Variants in USP34 observed in about 807,000 individuals in gnomAD.
The protein encoded by USP34 is ubiquitin carboxyl-terminal hydrolase 34.
In USP34, 70 loss-of-function variants were observed where a neutral mutation model predicts 460.3. That is an observed-to-expected ratio of 0.15 (90% CI 0.13 to 0.19). The LOEUF is 0.19. USP34 is among the 10% of genes least tolerant of loss of function. The pLI is 1.00. For synonymous variants in USP34, 1,647 were observed against 1,405.3 expected (o/e 1.17, Z -3.85); for missense variants, 3,985 against 4,236.2 (o/e 0.94, Z 1.65).
intron 70 of USP34, chr2:61,208,024 A>G (rs1687167891): frequency 6.6e-6 from 1 of 152,286 alleles, no homozygotes; most frequent in Non-Finnish European, 1.5e-5. Context: ...ATACTTGTGG[A>G]TGTTCAAGAA....
chr2:61,281,301 T>C (rs1572897431), intron 37 of USP34, 59 bp from the exon 38 acceptor site: 1 of 1,539,746 alleles, frequency 6.5e-7, no homozygotes, highest in Non-Finnish European at 8.8e-7. Context: ...GTTAATATGT[T>C]AGCAGAAATA....
chr2:61,283,965 A>G (rs1689613446), intron 35 of USP34, among the ~76,000 whole-genome samples: 1 of 152,132 alleles, frequency 6.6e-6, no homozygotes, highest in Non-Finnish European at 1.5e-5. Context: ...GGTATAAGTC[A>G]AAGGGTATGA....
At chr2:61,393,742 G>A (rs1693426388) in intron 5 of USP34, among the ~76,000 whole-genome samples, 1 of 152,120 alleles carries the variant, frequency 6.6e-6, no homozygotes. Flanking sequence ...AGATTTCAGT[G>A]TTTGGTAAAG....
chr2:61,329,421 T>C (rs1048826728), intron 20 of USP34, among the ~76,000 whole-genome samples: 1 of 152,284 alleles, frequency 6.6e-6, no homozygotes, highest in Admixed American at 6.5e-5. Flanking sequence ...AGAAGGATAC[T>C]GACTTGGAAT....
intron 16 of USP34, among the ~76,000 whole-genome samples, chr2:61,342,647 G>GT (rs1295059075): frequency 9.9e-5 from 15 of 151,840 alleles, no homozygotes; most frequent in African/African-American, 3.6e-4. Flanking sequence ...CTTTTATGTA[G>GT]TATCTGATCA....
chr2:61,378,936 A>AAAAAAAAC (rs1692886016), intron 7 of USP34, among the ~76,000 whole-genome samples: 2 of 147,250 alleles, frequency 1.4e-5, no homozygotes, highest in African/African-American at 5.0e-5. Context: ...AAAAAAAAAA[A>AAAAAAAAC]ACAACACTAA....
At chr2:61,464,237 T>C (rs1044122158) in intron 1 of USP34, among the ~76,000 whole-genome samples, 3 of 152,082 alleles carry the variant, frequency 2.0e-5, no homozygotes, top group Admixed American at 2.0e-4. Context: ...GAGAATCACT[T>C]GAAGCAAGGA....
intron 1 of USP34, among the ~76,000 whole-genome samples, chr2:61,425,986 G>A (rs915706458): frequency 6.6e-6 from 1 of 151,936 alleles, no homozygotes; most frequent in South Asian, 2.1e-4. Context: ...CCCCTGTTCA[G>A]GGCCCTAACT....
chr2:61,387,571 CAT>C (rs1052945480), intron 5 of USP34, among the ~76,000 whole-genome samples: 14 of 144,582 alleles, frequency 9.7e-5, no homozygotes, highest in African/African-American at 1.3e-4. Flanking sequence ...TATATACACA[CAT>C]ATATAAAATA....
chr2:61,446,570 C>T (rs1218945044), intron 1 of USP34, among the ~76,000 whole-genome samples: 2 of 152,004 alleles, frequency 1.3e-5, no homozygotes, highest in Admixed American at 6.6e-5. Context: ...CCAAGGCGGG[C>T]AGATCACTTA....
chr2:61,357,418 T>C (rs1027313334), intron 10 of USP34, among the ~76,000 whole-genome samples: 4 of 151,744 alleles, frequency 2.6e-5, no homozygotes, highest in Admixed American at 2.0e-4. Context: ...GAAAGAACAA[T>C]GTTCAGAGGA....
chr2:61,254,736 G>A (rs1386191965), intron 48 of USP34, among the ~76,000 whole-genome samples: 2 of 152,170 alleles, frequency 1.3e-5, no homozygotes, highest in African/African-American at 4.8e-5. Context: ...TGGGCGGATT[G>A]TTTGAGCCCA....
intron 70 of USP34, chr2:61,207,339 T>A (rs1468047940): frequency 6.5e-6 from 1 of 154,280 alleles, no homozygotes; most frequent in Non-Finnish European, 1.4e-5. Context: ...AGGAATTCAT[T>A]TCCTTTATAT....
At chr2:61,249,237 A>G (rs1246429257) in intron 48 of USP34, among the ~76,000 whole-genome samples, 1 of 152,238 alleles carries the variant, frequency 6.6e-6, no homozygotes, top group Non-Finnish European at 1.5e-5. Flanking sequence ...GTTAATGAAC[A>G]CTACTCTTGC....
At chr2:61,301,331 C>G (rs974373922) in intron 28 of USP34, 23 bp downstream of exon 28, 1 of 1,606,938 alleles carries the variant, frequency 6.2e-7, no homozygotes. Context: ...CATTAAAACT[C>G]AAACCACGTT....
chr2:61,239,373 G>GTAAA (rs1235616276), intron 53 of USP34, among the ~76,000 whole-genome samples: 1 of 143,522 alleles, frequency 7.0e-6, no homozygotes, highest in East Asian at 2.1e-4. Context: ...AACCACTGAT[G>GTAAA]TAAATAAACA....
intron 78 of USP34, 103 bp downstream of exon 78, chr2:61,190,168 G>C (rs573809756): frequency 3.4e-6 from 5 of 1,465,894 alleles, no homozygotes; most frequent in Middle Eastern, 1.8e-4. Flanking sequence ...TTAAGAGTTT[G>C]AATCAGTAAG....
chr2:61,303,619 C>A (rs962486982), intron 27 of USP34, among the ~76,000 whole-genome samples: 1 of 150,656 alleles, frequency 6.6e-6, no homozygotes, highest in Non-Finnish European at 1.5e-5. Context: ...TTTTTTGAGA[C>A]AGAGTCTCGC....
chr2:61,419,204 A>G (rs1694287840), intron 2 of USP34, among the ~76,000 whole-genome samples: 1 of 151,968 alleles, frequency 6.6e-6, no homozygotes. Context: ...TTTTTTAAAT[A>G]GAGATGGGGT....
Sources: allele counts gnomAD v4.1 joint callset (sites outside exome capture counted in the v4.1 genomes callset), GRCh38; gene constraint gnomAD v4.1.1; transcripts MANE v1.5; gene names NCBI Gene and HGNC (gene_info 2026-07-23, HGNC 2026-07-21).